The following SCHIP1 variants were observed in gnomAD, a reference collection of about 807,000 sequenced individuals.
The protein encoded by SCHIP1 is schwannomin-interacting protein 1.
Under a neutral mutation model 29.7 loss-of-function variants are expected in SCHIP1, and 8 were observed. The ratio of observed to expected loss-of-function variants is 0.27; its 90% CI spans 0.16 to 0.49. SCHIP1 has a LOEUF of 0.49. Among genes scored for constraint, SCHIP1 ranks in the 20% least tolerant of loss-of-function variants. The pLI, the probability that SCHIP1 is intolerant of heterozygous loss-of-function variation, is 0.99. For missense variants in SCHIP1, 193 were observed against 294.6 expected, an observed-to-expected ratio of 0.66 and a Z score of 2.52; for synonymous variants, 76 against 94.9, an observed-to-expected ratio of 0.80 and a Z score of 1.16.
the SCHIP1 span, among the ~76,000 whole-genome samples, chr3:159,559,781 A>AT: frequency 3.3e-5 from 5 of 151,984 alleles, no homozygotes; most frequent in South Asian, 2.1e-4. Flanking sequence ...ATCAGCTCTG[A>AT]TTTTTTTTCC....
At chr3:159,803,873 CA>C in the SCHIP1 span, among the ~76,000 whole-genome samples, 2 of 151,864 alleles carry the variant, frequency 1.3e-5, no homozygotes, top group Admixed American at 1.3e-4. Flanking sequence ...AGCTTCAGAG[CA>C]GCCTGAATGG....
At chr3:159,704,908 ATTTCTTTCTTTCTTTCTTTC>A in the SCHIP1 span, among the ~76,000 whole-genome samples, 1 of 42,560 alleles carries the variant, frequency 2.3e-5, no homozygotes, top group East Asian at 1.0e-3. Context: ...TTCTTTCTTT[ATTTCTTTCTTTCTTTCTTTC>A]TTTCTTTCTT....
the SCHIP1 span, among the ~76,000 whole-genome samples, chr3:159,546,636 T>C: frequency 2.0e-5 from 3 of 152,208 alleles, no homozygotes; most frequent in African/African-American, 7.2e-5. Context: ...CGTGTTCTCA[T>C]TGTTCAACTT....
the SCHIP1 span, among the ~76,000 whole-genome samples, chr3:159,448,880 G>A: frequency 2.6e-5 from 4 of 152,182 alleles, no homozygotes; most frequent in Admixed American, 2.0e-4. Context: ...CAGCCAGCAT[G>A]ACAGCCAGGA....
At chr3:159,848,331 A>T (rs1437361965) in intron 1 of SCHIP1, among the ~76,000 whole-genome samples, 1 of 152,216 alleles carries the variant, frequency 6.6e-6, no homozygotes, top group Non-Finnish European at 1.5e-5. Flanking sequence ...TAGAGAGGGC[A>T]GCAGCAGAGG....
chr3:159,841,018 C>T (rs1176881416), intron 1 of SCHIP1, among the ~76,000 whole-genome samples: 2 of 152,154 alleles, frequency 1.3e-5, no homozygotes, highest in African/African-American at 4.8e-5. Flanking sequence ...CAGCAGCAGG[C>T]AGGGCTGGTC....
At chr3:159,494,784 T>G in the SCHIP1 span, among the ~76,000 whole-genome samples, 1 of 152,140 alleles carries the variant, frequency 6.6e-6, no homozygotes, top group Non-Finnish European at 1.5e-5. Flanking sequence ...TAGCAAAGCC[T>G]GGCAGAGACA....
the SCHIP1 span, among the ~76,000 whole-genome samples, chr3:159,299,370 G>C: frequency 6.6e-6 from 1 of 152,060 alleles, no homozygotes; most frequent in African/African-American, 2.4e-5. Context: ...GTCTATACAG[G>C]TGCTGGTTTG....
At chr3:159,424,939 C>G in the SCHIP1 span, among the ~76,000 whole-genome samples, 1 of 151,990 alleles carries the variant, frequency 6.6e-6, no homozygotes, top group African/African-American at 2.4e-5. Flanking sequence ...TCCAGCCAAA[C>G]TAAGCTTCAT....
At chr3:159,875,456 A>G (rs921172905) in intron 2 of SCHIP1, among the ~76,000 whole-genome samples, 5 of 152,208 alleles carry the variant, frequency 3.3e-5, no homozygotes, top group Non-Finnish European at 7.4e-5. Flanking sequence ...GCTGCATTTT[A>G]TATTTAAAAA....
At chr3:159,882,325 A>G (rs1300418397) in intron 2 of SCHIP1, among the ~76,000 whole-genome samples, 3 of 152,216 alleles carry the variant, frequency 2.0e-5, no homozygotes, top group South Asian at 2.1e-4. Flanking sequence ...AAAGTGAACC[A>G]AAGTGCTGTG....
At chr3:159,520,096 TAAAA>T in the SCHIP1 span, among the ~76,000 whole-genome samples, 1 of 82,898 alleles carries the variant, frequency 1.2e-5, no homozygotes. Flanking sequence ...CCTCATCAAA[TAAAA>T]AAAAAAAAAA....
chr3:159,441,451 A>G, the SCHIP1 span, among the ~76,000 whole-genome samples: 3 of 152,104 alleles, frequency 2.0e-5, no homozygotes, highest in African/African-American at 7.2e-5. Context: ...AGTAATTTGC[A>G]CAAGCCAAGC....
intron 2 of SCHIP1, among the ~76,000 whole-genome samples, chr3:159,874,855 A>T (rs1358248647): frequency 1.3e-5 from 2 of 152,208 alleles, no homozygotes; most frequent in Admixed American, 1.3e-4. Context: ...ACCTATTTAT[A>T]ACATGCAACA....
the SCHIP1 span, among the ~76,000 whole-genome samples, chr3:159,380,971 AT>A: frequency 6.6e-6 from 1 of 152,214 alleles, no homozygotes; most frequent in Non-Finnish European, 1.5e-5. Context: ...AGTGGTTGCT[AT>A]TTTAGTCTCT....
the SCHIP1 span, among the ~76,000 whole-genome samples, chr3:159,447,135 C>A: frequency 1.7e-3 from 252 of 152,256 alleles, 1 homozygote; most frequent in African/African-American, 5.6e-3. Context: ...AATGCCGGGT[C>A]AGAAAGACAC....
chr3:159,788,650 T>C, the SCHIP1 span, among the ~76,000 whole-genome samples: 17 of 151,382 alleles, frequency 1.1e-4, 1 homozygote, highest in African/African-American at 3.9e-4. Flanking sequence ...CCACACTTCA[T>C]TCATTCACCA....
At chr3:159,767,481 C>T in the SCHIP1 span, among the ~76,000 whole-genome samples, 1 of 152,102 alleles carries the variant, frequency 6.6e-6, no homozygotes, top group Non-Finnish European at 1.5e-5. Context: ...ACAAAGGAGC[C>T]GTGTGGAAGA....
chr3:159,535,586 C>G, the SCHIP1 span, among the ~76,000 whole-genome samples: 1 of 152,322 alleles, frequency 6.6e-6, no homozygotes, highest in African/African-American at 2.4e-5. Flanking sequence ...CAGGACTCCT[C>G]TAAGTTAGCT....
Sources: allele counts gnomAD v4.1 joint callset (sites outside exome capture counted in the v4.1 genomes callset), GRCh38; gene constraint gnomAD v4.1.1; transcripts MANE v1.5; gene names NCBI Gene and HGNC (gene_info 2026-07-23, HGNC 2026-07-21).